GPC3: variants seen among roughly 807,000 people sequenced by gnomAD.
The protein encoded by GPC3 is glypican-3.
A neutral mutation model predicts 34.4 loss-of-function variants in GPC3; 3 were observed. That is an observed-to-expected ratio of 0.09 (90% CI 0.04 to 0.23). The LOEUF is 0.23. Ranked by LOEUF, GPC3 falls within the 10% of genes least tolerant of loss-of-function variation. The probability of loss-of-function intolerance (pLI) is 1.00; values close to 1 mark genes in which losing one functional copy is unlikely to be tolerated. For synonymous variants in GPC3, 177 were observed against 174.0 expected, an observed-to-expected ratio of 1.02 and a Z score of -0.13; for missense variants, 351 against 445.6, an observed-to-expected ratio of 0.79 and a Z score of 1.91.
At chrX:133,863,993 T>G (rs1463866175) in intron 2 of GPC3, among the ~76,000 whole-genome samples, 1 of 111,734 alleles carries the variant, frequency 8.9e-6, no homozygotes, top group Non-Finnish European at 1.9e-5. Context: ...TACGCCTTTT[T>G]GATTACTGGC....
chrX:133,762,989 T>C lies in GPC3; in HGVS notation c.338-8813A>G. On this transcript the variant is annotated intron_variant, in intron 2 of 7. Transcript: ENST00000370818. ...AATCTTCTGCTGGCAGCTCGTACCA[T>C]TGTTGCCATTGAAAACCCTGCTGAT... 4.3e-6 allele frequency: 3 copies of C among 704,182 alleles called. No homozygotes were observed. The Admixed American group carries it at 6.7e-5, about 16-fold the overall frequency. The allele number at this position is 704,182 out of a possible 1,213,427, so 58.0% of individuals were successfully genotyped here. A position where few individuals can be genotyped will look rare whatever the true frequency, so the allele number is the denominator to read the frequency against.
chrX:133,847,067 T>C (rs1341022654), intron 2 of GPC3, among the ~76,000 whole-genome samples: 1 of 111,890 alleles, frequency 8.9e-6, no homozygotes, highest in Admixed American at 9.5e-5. Context: ...ATTTATCCAA[T>C]CAAATTATAT....
At position 133,536,218 on chromosome X, in the gene GPC3, C is replaced by T; in HGVS notation, c.1649G>A (p.Ser550Asn). 8.3e-7 allele frequency: 1 copy of T among 1,202,978 alleles called. No individual in the cohort carries two copies. The change falls in exon 8 of 8, where the codon AGC becomes AAC. Residue 550 changes from serine to asparagine, a missense_variant. Physicochemically the swap from Ser to Asn is conservative, Grantham distance 46 (BLOSUM62 1). Coordinates refer to ENST00000370818, the MANE Select transcript of GPC3 (RefSeq NM_004484.4). ...QQATPKDNEI[S>N]TFHNLGNVHS... ...AACGTTCCCGAGGTTGTGAAAGGTGCTTATCTCGTTGTCCTTCGGAGTTGC... is the reference window on the plus strand; with the variant it reads ...AACGTTCCCGAGGTTGTGAAAGGTGTTTATCTCGTTGTCCTTCGGAGTTGC...
intron 3 of GPC3, among the ~76,000 whole-genome samples, chrX:133,711,003 C>T (rs919016179): frequency 1.2e-4 from 13 of 111,044 alleles, no homozygotes; most frequent in Non-Finnish European, 2.3e-4. Context: ...ATTCAAATAC[C>T]ACTCCCCCAA....
At chrX:133,585,014 A>G (rs2069775322) in intron 7 of GPC3, among the ~76,000 whole-genome samples, 2 of 111,553 alleles carry the variant, frequency 1.8e-5, no homozygotes, top group Admixed American at 9.5e-5. Flanking sequence ...GGAAATGATA[A>G]GAATCATTAA....
chrX:133,709,510 T>C (rs1351808394), intron 3 of GPC3, among the ~76,000 whole-genome samples: 1 of 112,379 alleles, frequency 8.9e-6, no homozygotes, highest in Non-Finnish European at 1.9e-5. Flanking sequence ...TTAAAAACAA[T>C]ATATACATTG....
At chrX:133,793,341 T>C (rs58159592) in intron 2 of GPC3, among the ~76,000 whole-genome samples, 3,368 of 112,009 alleles carry the variant, frequency 0.03, 102 homozygotes, top group African/African-American at 0.1. Flanking sequence ...ATATAATTTG[T>C]ATTAAGAAAT....
At chrX:133,975,428 G>GC (rs1255388783) in intron 1 of GPC3, among the ~76,000 whole-genome samples, 2 of 111,673 alleles carry the variant, frequency 1.8e-5, no homozygotes, top group Admixed American at 9.5e-5. Context: ...TTACATGAAA[G>GC]CCCCCTCTTT....
At chrX:133,564,367 C>T (rs960996465) in intron 7 of GPC3, among the ~76,000 whole-genome samples, 1 of 111,594 alleles carries the variant, frequency 9.0e-6, no homozygotes, top group Admixed American at 9.6e-5. Context: ...GTCCTCCCAA[C>T]ATGTTCCTTT....
At chrX:133,612,818 T>G (rs2070124864) in intron 6 of GPC3, among the ~76,000 whole-genome samples, 1 of 112,723 alleles carries the variant, frequency 8.9e-6, no homozygotes, top group Non-Finnish European at 1.9e-5. Flanking sequence ...TTCCTTTGTC[T>G]GTTAATAGAA....
In GPC3 at chrX:133,753,634, T is replaced by C. The variant is rs1294158180; in HGVS notation, c.880A>G (p.Lys294Glu). The change falls in exon 3 of 8, where the codon AAG becomes GAG. Residue 294 changes from lysine (K) to glutamate (E), a missense_variant. By Grantham distance (56) the Lys-to-Glu change is moderately conservative. Coordinates refer to ENST00000370818, the MANE Select transcript of GPC3 (RefSeq NM_004484.4). ...GACAGAATGTATTCTCTCCAGTACT[T>C]GTCAATCTCCACCACACCTGCCATA... ...GCMAGVVEIDKYWREYILSLE... is the reference protein window; with the variant it reads ...GCMAGVVEIDEYWREYILSLE... The C allele has an allele frequency of 3.3e-6, 4 of 1,211,366 alleles. No individual in the cohort carries two copies. Among genetic ancestry groups the C allele is most frequent in the Non-Finnish European group, 4.5e-6 (4 of 894,964 alleles).
At chrX:133,569,673 A>G (rs188259210) in intron 7 of GPC3, among the ~76,000 whole-genome samples, 18 of 112,150 alleles carry the variant, frequency 1.6e-4, no homozygotes, top group African/African-American at 5.8e-4. Flanking sequence ...AAATCACTCT[A>G]TGCTGGATGG....
At chrX:133,781,818 T>G (rs994924591) in intron 2 of GPC3, among the ~76,000 whole-genome samples, 1 of 111,541 alleles carries the variant, frequency 9.0e-6, no homozygotes, top group Admixed American at 9.5e-5. Flanking sequence ...CCAGACATGG[T>G]ACTAAGGGTG....
intron 3 of GPC3, among the ~76,000 whole-genome samples, chrX:133,753,081 G>A (rs2071682344): frequency 8.9e-6 from 1 of 111,856 alleles, no homozygotes; most frequent in Non-Finnish European, 1.9e-5. Flanking sequence ...CATCTATTGT[G>A]TATCAATAAT....
At chrX:133,875,869 T>TG (rs1229583996) in intron 2 of GPC3, among the ~76,000 whole-genome samples, 3 of 111,600 alleles carry the variant, frequency 2.7e-5, no homozygotes. Context: ...TTTCAGCAGA[T>TG]GCACTCATTC....
At chrX:133,728,779 G>C (rs965840977) in intron 3 of GPC3, among the ~76,000 whole-genome samples, 22 of 112,128 alleles carry the variant, frequency 2.0e-4, no homozygotes, top group African/African-American at 7.1e-4. Context: ...GTCTTGAAGG[G>C]CAATATGCTG....
intron 3 of GPC3, among the ~76,000 whole-genome samples, chrX:133,714,381 T>C (rs2071296174): frequency 8.9e-6 from 1 of 111,883 alleles, no homozygotes; most frequent in Non-Finnish European, 1.9e-5. Flanking sequence ...GATTCCTTTA[T>C]TATTAACTTT....
At chrX:133,693,797 A>T (rs769691741) in intron 4 of GPC3, among the ~76,000 whole-genome samples, 2 of 111,628 alleles carry the variant, frequency 1.8e-5, no homozygotes, top group South Asian at 7.6e-4. Context: ...CCTTACCAAA[A>T]CTCATGTGGA....
intron 3 of GPC3, among the ~76,000 whole-genome samples, chrX:133,742,477 G>A (rs1458548001): frequency 9.0e-6 from 1 of 111,515 alleles, no homozygotes; most frequent in African/African-American, 3.3e-5. Context: ...GTCTCCTTCA[G>A]CTCCACTACA....
Sources: allele counts gnomAD v4.1 joint callset (sites outside exome capture counted in the v4.1 genomes callset), GRCh38; gene constraint gnomAD v4.1.1; transcripts MANE v1.5; gene names NCBI Gene and HGNC (gene_info 2026-07-23, HGNC 2026-07-21).